Variants in RBPJ observed in about 807,000 individuals in gnomAD.
RBPJ encodes recombination signal binding protein for immunoglobulin kappa J region, also known as recombining binding protein suppressor of hairless.
In RBPJ, 9 loss-of-function variants were observed where a neutral mutation model predicts 67.8. The observed-to-expected ratio is 0.13, with a 90% CI of 0.08 to 0.23. The LOEUF is 0.23. Ranked by LOEUF, RBPJ falls within the 10% of genes least tolerant of loss-of-function variation. The pLI, the probability that RBPJ is intolerant of heterozygous loss-of-function variation, is 1.00. For synonymous variants in RBPJ, 198 were observed against 203.3 expected, an observed-to-expected ratio of 0.97 and a Z score of 0.22; for missense variants, 305 against 595.6, an observed-to-expected ratio of 0.51 and a Z score of 5.08.
At chr4:26,319,644 G>A, upstream of RBPJ, 2 of 614,980 alleles carry the variant, frequency 3.3e-6, no homozygotes, top group South Asian at 1.9e-5. Flanking sequence ...CCACGGCCGT[G>A]TTGTGTCTGA....
chr4:26,169,029 G>C (rs1716438417), intron 1 of RBPJ, among the ~76,000 whole-genome samples: 2 of 152,298 alleles, frequency 1.3e-5, no homozygotes, highest in South Asian at 4.1e-4. Context: ...TCCTCCTGTA[G>C]CTCGGAGTAG....
At chr4:26,194,690 G>T (rs529080562) in intron 1 of RBPJ, among the ~76,000 whole-genome samples, 23 of 152,262 alleles carry the variant, frequency 1.5e-4, no homozygotes, top group Non-Finnish European at 2.6e-4. Context: ...TTGTACCCTG[G>T]GTTCTAATTG....
At chr4:26,404,373 G>GT (rs1733173770) in intron 2 of RBPJ, among the ~76,000 whole-genome samples, 1 of 152,006 alleles carries the variant, frequency 6.6e-6, no homozygotes, top group Non-Finnish European at 1.5e-5. Context: ...ATGCAGAAAC[G>GT]TATTACCACT....
intron 1 of RBPJ, among the ~76,000 whole-genome samples, chr4:26,379,226 C>T (rs1730070807): frequency 6.6e-6 from 1 of 151,740 alleles, no homozygotes; most frequent in South Asian, 2.1e-4. Flanking sequence ...GTTGCCCAGG[C>T]TGGAGTACAG....
chr4:26,176,747 G>A (rs924139964), intron 1 of RBPJ, among the ~76,000 whole-genome samples: 4 of 152,352 alleles, frequency 2.6e-5, no homozygotes, highest in African/African-American at 9.6e-5. Context: ...TTAACACAAG[G>A]AGGAAACCCA....
intron 3 of RBPJ, among the ~76,000 whole-genome samples, chr4:26,411,759 C>G (rs1734039241): frequency 6.6e-6 from 1 of 152,096 alleles, no homozygotes; most frequent in Non-Finnish European, 1.5e-5. Context: ...ACCAGCACTA[C>G]TCATTCTTTT....
chr4:26,381,024 GTTT>G (rs372548443), intron 1 of RBPJ, among the ~76,000 whole-genome samples: 2 of 126,996 alleles, frequency 1.6e-5, no homozygotes, highest in East Asian at 2.3e-4. Context: ...TTGCTTTTTG[GTTT>G]TTTTTTTTTG....
At chr4:26,328,203 C>T (rs1396505944) in intron 1 of RBPJ, among the ~76,000 whole-genome samples, 4 of 151,514 alleles carry the variant, frequency 2.6e-5, no homozygotes, top group Non-Finnish European at 5.9e-5. Flanking sequence ...TTGGAGTAAG[C>T]AGAAACACTG....
intron 1 of RBPJ, among the ~76,000 whole-genome samples, chr4:26,305,780 T>TC (rs1429952251): frequency 7.5e-6 from 1 of 133,942 alleles, no homozygotes; most frequent in Non-Finnish European, 1.6e-5. Flanking sequence ...TCTTTTTTTT[T>TC]TTTTTTTTTT....
the RBPJ span, among the ~76,000 whole-genome samples, chr4:26,106,792 C>T: frequency 6.6e-6 from 1 of 152,150 alleles, no homozygotes; most frequent in Non-Finnish European, 1.5e-5. Context: ...TGGACTCTGA[C>T]CAATGCACCC....
intron 1 of RBPJ, among the ~76,000 whole-genome samples, chr4:26,175,357 C>A (rs766103706): frequency 1.3e-5 from 2 of 151,856 alleles, no homozygotes; most frequent in South Asian, 4.2e-4. Flanking sequence ...CTCCACCCTA[C>A]AAGCTGGGGG....
the RBPJ span, chr4:26,112,652 C>G: frequency 7.1e-6 from 1 of 140,912 alleles, no homozygotes; most frequent in East Asian, 2.2e-4. Context: ...GCTCAAAGAA[C>G]TCATTTGGAA....
intron 1 of RBPJ, among the ~76,000 whole-genome samples, chr4:26,275,107 G>A (rs997481110): frequency 7.9e-5 from 12 of 152,072 alleles, no homozygotes; most frequent in Admixed American, 6.6e-5. Flanking sequence ...AGATGTCATC[G>A]TCCCTATTTC....
At chr4:26,236,567 T>C (rs1269825421) in intron 1 of RBPJ, among the ~76,000 whole-genome samples, 2 of 152,200 alleles carry the variant, frequency 1.3e-5, no homozygotes, top group African/African-American at 4.8e-5. Context: ...CTCTCCACAG[T>C]ACTGCTTGAG....
upstream of RBPJ, among the ~76,000 whole-genome samples, chr4:26,162,643 G>C (rs1386810970): frequency 1.3e-5 from 2 of 152,212 alleles, no homozygotes; most frequent in Non-Finnish European, 2.9e-5. Context: ...TTGAGACATA[G>C]AGAGGTTAAA....
the RBPJ span, among the ~76,000 whole-genome samples, chr4:26,107,907 AAAG>A: frequency 1.3e-5 from 2 of 152,150 alleles, no homozygotes; most frequent in African/African-American, 2.4e-5. Flanking sequence ...CAAAAAAGAA[AAAG>A]AAGATTCCCT....
chr4:26,335,346 T>TG (rs1447589586), intron 1 of RBPJ, among the ~76,000 whole-genome samples: 2 of 151,494 alleles, frequency 1.3e-5, no homozygotes, highest in African/African-American at 4.9e-5. Context: ...CACGCCCGGC[T>TG]GATTTTTTGT....
chr4:26,246,755 C>T (rs1413392261), intron 1 of RBPJ, among the ~76,000 whole-genome samples: 1 of 152,094 alleles, frequency 6.6e-6, no homozygotes. Flanking sequence ...ATAGCCTAGT[C>T]TAGTGCCTGC....
chr4:26,205,639 C>CT (rs146775266), intron 1 of RBPJ, among the ~76,000 whole-genome samples: 19,535 of 152,146 alleles, frequency 0.13, 1,615 homozygotes, highest in South Asian at 0.2. Context: ...ATTGCCCAGG[C>CT]TGGAGTGCAG....
Sources: allele counts gnomAD v4.1 joint callset (sites outside exome capture counted in the v4.1 genomes callset), GRCh38; gene constraint gnomAD v4.1.1; transcripts MANE v1.5; gene names NCBI Gene and HGNC (gene_info 2026-07-23, HGNC 2026-07-21).